The following TTLL5 variants were observed in gnomAD, a reference collection of about 807,000 sequenced individuals.
The protein encoded by TTLL5 is tubulin polyglutamylase TTLL5.
Under a neutral mutation model 168.4 loss-of-function variants are expected in TTLL5, and 132 were observed. That is an observed-to-expected ratio of 0.78 (90% CI 0.68 to 0.91). TTLL5 has a LOEUF of 0.91. TTLL5 is among the 40% of genes least tolerant of loss of function. The probability of loss-of-function intolerance (pLI) is 0.00; values close to 1 mark genes in which losing one functional copy is unlikely to be tolerated. For synonymous variants in TTLL5, 546 were observed against 558.6 expected (o/e 0.98, Z 0.32); for missense variants, 1,545 against 1,581.5 (o/e 0.98, Z 0.39).
intron 25 of TTLL5, 151 bp downstream of exon 25, chr14:75,782,724 A>G (rs1420428380): frequency 1.4e-6 from 1 of 740,678 alleles, no homozygotes; most frequent in Non-Finnish European, 2.1e-6. Context: ...ATTTTCTCTT[A>G]TCTATTGATA....
chr14:75,749,049 T>A (rs548628943), intron 17 of TTLL5, among the ~76,000 whole-genome samples: 70 of 152,314 alleles, frequency 4.6e-4, no homozygotes, highest in Admixed American at 1.6e-3. Context: ...TCCTTTTATC[T>A]TTTAAAATAT....
chr14:75,664,154 T>C (rs1883087078), intron 2 of TTLL5, among the ~76,000 whole-genome samples: 1 of 152,188 alleles, frequency 6.6e-6, no homozygotes, highest in Non-Finnish European at 1.5e-5. Flanking sequence ...TTATCTCATC[T>C]ATATCTTATA....
Position 75,902,883 on chromosome 14 carries a change from G to T in TTLL5, c.3823+659G>T, listed in dbSNP as rs1367328122. ...TACTCTAGAGAAAATAACATGCTGG[G>T]CACTGAGATACACACCGGGTGAACA... On this transcript the variant is annotated intron_variant, in intron 31 of 31. Coordinates refer to ENST00000298832, the MANE Select transcript of TTLL5 (RefSeq NM_015072.5). Among the ~76,000 whole-genome samples the T allele has an allele frequency of 3.3e-5, 5 of 152,164 alleles. No individual in the cohort carries two copies. In the East Asian group the frequency reaches 9.6e-4, roughly 29 times the overall value.
At chr14:75,833,007 G>A (rs1437946665) in intron 28 of TTLL5, among the ~76,000 whole-genome samples, 1 of 152,088 alleles carries the variant, frequency 6.6e-6, no homozygotes, top group African/African-American at 2.4e-5. Flanking sequence ...TTGCTGTACT[G>A]GTGGGCCAGT....
chr14:75,779,753 G>A lies in TTLL5; in HGVS notation c.2515+51G>A, dbSNP rs749843489. ...AAATAAGAAGAACAAGTGAAGAAAT[G>A]AGAAATGCAAAGGAGAATGAGGAAT... On this transcript the variant is annotated intron_variant, in intron 24 of 31. Transcript: ENST00000298832. The A allele has an allele frequency of 2.6e-6, 4 of 1,555,270 alleles. No individual in the cohort carries two copies. The African/African-American group carries it at 4.1e-5, about 16-fold the overall frequency.
At chr14:75,951,276 A>T (rs2034953045) in intron 31 of TTLL5, among the ~76,000 whole-genome samples, 1 of 151,452 alleles carries the variant, frequency 6.6e-6, no homozygotes, top group Admixed American at 6.6e-5. Flanking sequence ...TGAGCCCAGG[A>T]GGTTGGGGCT....
chr14:75,835,059 C>A lies in TTLL5; in HGVS notation c.3326+14898C>A, dbSNP rs186829203. ...CTCCAACCTGGGCAACAGAGTGAGA[C>A]CCTGTCTCCAAACAAACAAACAAAC... On this transcript the variant is annotated intron_variant, in intron 28 of 31. Coordinates refer to ENST00000298832, the MANE Select transcript of TTLL5 (RefSeq NM_015072.5). Among the ~76,000 whole-genome samples, 40 of 152,186 alleles carry A rather than the reference C, an allele frequency of 2.6e-4. No homozygotes were observed. The East Asian group carries it at 4.7e-3, about 18-fold the overall frequency.
intron 3 of TTLL5, among the ~76,000 whole-genome samples, chr14:75,671,394 A>G (rs1272787940): frequency 1.3e-5 from 2 of 152,210 alleles, no homozygotes; most frequent in Non-Finnish European, 2.9e-5. Flanking sequence ...TTGCAATTCC[A>G]TATGAATGTT....
chr14:75,799,454 C>A (rs770919560), intron 27 of TTLL5, among the ~76,000 whole-genome samples: 15 of 152,088 alleles, frequency 9.9e-5, no homozygotes, highest in Non-Finnish European at 1.5e-4. Context: ...ACATTTAGGC[C>A]ATTTACATTC....
intron 15 of TTLL5, chr14:75,737,472 T>A: frequency 7.6e-7 from 1 of 1,311,268 alleles, no homozygotes; most frequent in African/African-American, 1.5e-5. Context: ...TTGGAGATTA[T>A]TTTTTCCTTT....
intron 28 of TTLL5, among the ~76,000 whole-genome samples, chr14:75,849,871 C>T (rs920493440): frequency 2.6e-5 from 4 of 152,030 alleles, no homozygotes; most frequent in African/African-American, 9.7e-5. Flanking sequence ...GAGGCTGAAG[C>T]AGGTGGATTG....
At position 75,687,806 on chromosome 14, in the gene TTLL5, G is replaced by A. The variant is rs1566814703; in HGVS notation, c.372-2386G>A. ...GATGCCTCACCAAAGAAGATACAGG[G>A]ATGGCAAATAAAAGAGGCTCGTGAA... On this transcript the variant is annotated intron_variant, in intron 5 of 31. Transcript: ENST00000298832. Among the ~76,000 whole-genome samples, 3 of 152,248 alleles carry A rather than the reference G, an allele frequency of 2.0e-5. No homozygotes were observed. In the South Asian group the frequency reaches 6.2e-4, roughly 32 times the overall value.
At position 75,807,585 on chromosome 14, in the gene TTLL5, A is replaced by C. The variant is rs866253396; in HGVS notation, c.3172-12422A>C. 3.9e-5 allele frequency among the ~76,000 whole-genome samples: 6 copies of C among 152,328 alleles called. No homozygotes were observed. The Middle Eastern group carries it at 0.01, about 259-fold the overall frequency. ...TAACCCTAATGAGGTGTAGGTACTT[A>C]CTTTTTGCCAATTAAGATGAAGAAA... On this transcript the variant is annotated intron_variant, in intron 27 of 31. Transcript: ENST00000298832.
intron 2 of TTLL5, among the ~76,000 whole-genome samples, chr14:75,666,262 C>T (rs928493748): frequency 6.6e-6 from 1 of 152,246 alleles, no homozygotes; most frequent in African/African-American, 2.4e-5. Context: ...TCTGTTAGAT[C>T]TGCTCAGATC....
At chr14:75,877,926 TC>T (rs2031587373) in intron 29 of TTLL5, among the ~76,000 whole-genome samples, 1 of 152,234 alleles carries the variant, frequency 6.6e-6, no homozygotes, top group African/African-American at 2.4e-5. Context: ...CTGGGTTTCT[TC>T]TTATCAGGTT....
intron 29 of TTLL5, among the ~76,000 whole-genome samples, chr14:75,878,470 T>A (rs1434859371): frequency 1.3e-5 from 2 of 152,202 alleles, no homozygotes; most frequent in Non-Finnish European, 1.5e-5. Flanking sequence ...GCATAAGGTG[T>A]GCACCAGCCG....
At position 75,783,391 on chromosome 14, in the gene TTLL5, C is replaced by T. The variant is rs375420838; in HGVS notation, c.2847C>T (p.Pro949=). The T allele has an allele frequency of 1.2e-4, 190 of 1,614,156 alleles. No individual in the cohort carries two copies. The highest frequency in any genetic ancestry group is 4.7e-4 in the South Asian group (43 of 91,068). Reference sequence around the variant, plus strand: ...CCAGTGCTTCTCCCTGCCTACATCCCGGGGCACAGAACATCCCAAGCCCTA... The same window carrying T: ...CCAGTGCTTCTCCCTGCCTACATCCTGGGGCACAGAACATCCCAAGCCCTA... ...VSASASPCLH[P]GAQNIPSPTG... is the part of the protein sequence containing the mutation. The change falls in exon 26 of 32, where the codon CCC becomes CCT. Residue 949 remains proline (P), a synonymous_variant. Transcript: ENST00000298832.
Position 75,882,974 on chromosome 14 carries a change from T to A in TTLL5, c.3740+72T>A. The A allele has an allele frequency of 2.0e-6, 3 of 1,489,028 alleles. No homozygotes were observed. In the Admixed American group the frequency reaches 5.6e-5, roughly 28 times the overall value. 92.2% of individuals were successfully genotyped at this position (1,489,028 alleles called of 1,614,324 possible). ...GCTAATAGTACTCTTTATTTATTAC[T>A]CTTCAAGACCGTTCGTACTGAAGTA... On this transcript the variant is annotated intron_variant, in intron 30 of 31. Transcript: ENST00000298832.
chr14:75,905,645 C>T (rs1047203555), intron 31 of TTLL5, among the ~76,000 whole-genome samples: 2 of 152,220 alleles, frequency 1.3e-5, no homozygotes, highest in African/African-American at 4.8e-5. Context: ...TGGCCCAAAG[C>T]CAAAGTCGTT....
Sources: gnomAD v4.1 joint callset for allele counts (sites outside exome capture counted in the v4.1 genomes callset) on GRCh38, gnomAD v4.1.1 for gene constraint, MANE v1.5 for transcripts, NCBI Gene and HGNC (gene_info 2026-07-23, HGNC 2026-07-21) for gene names.